The following EXOC2 variants were observed in gnomAD, a reference collection of about 807,000 sequenced individuals.
EXOC2 encodes exocyst complex component 2.
EXOC2 carries 70 observed loss-of-function variants against 131.8 expected under a neutral mutation model. The observed-to-expected ratio is 0.53, with a 90% CI of 0.44 to 0.65. The LOEUF (loss-of-function observed/expected upper bound fraction) is 0.65, where lower values mean the gene tolerates loss of function less well. Ranked by LOEUF, EXOC2 falls within the 30% of genes least tolerant of loss-of-function variation. EXOC2 has a pLI of 0.00. For missense variants in EXOC2, 923 were observed against 1,108.6 expected (o/e 0.83, Z 2.38); for synonymous variants, 411 against 398.4 (o/e 1.03, Z -0.38).
chr6:594,682 T>A (rs1163565092), intron 10 of EXOC2, among the ~76,000 whole-genome samples: 1 of 152,210 alleles, frequency 6.6e-6, no homozygotes, highest in African/African-American at 2.4e-5. Context: ...CAAAAGACTT[T>A]TTCTATCATC....
rs201952671 is a variant in EXOC2, at chr6:497,466, C to G, written c.2460G>C (p.Leu820=). The G allele has an allele frequency of 1.9e-6, 3 of 1,612,538 alleles. No individual in the cohort carries two copies. Among genetic ancestry groups the G allele is most frequent in the African/African-American group, 1.3e-5 (1 of 74,888 alleles). The change falls in exon 25 of 28, where the codon CTG becomes CTC. Residue 820 remains leucine, a synonymous_variant. Coordinates refer to ENST00000230449, the MANE Select transcript of EXOC2 (RefSeq NM_018303.6). ...TCACCTTGGATAGTACCCGAGGGAC[C>G]AGTTCTTTGGAAATGGTGAACACCT... ...HAEVFTISKE[L]VPRVLSKVIE...
chr6:606,304 T>C (rs978206595), intron 7 of EXOC2, among the ~76,000 whole-genome samples: 2 of 152,086 alleles, frequency 1.3e-5, no homozygotes, highest in African/African-American at 4.8e-5. Context: ...CATTAGGAGA[T>C]ATACCTAATG....
intron 1 of EXOC2, among the ~76,000 whole-genome samples, chr6:673,310 A>G (rs1205526910): frequency 6.7e-6 from 1 of 150,028 alleles, no homozygotes; most frequent in African/African-American, 2.5e-5. Flanking sequence ...TATCTAAGAA[A>G]AAAGATAACA....
chr6:620,633 C>A (rs1761240504), intron 4 of EXOC2, among the ~76,000 whole-genome samples: 1 of 152,190 alleles, frequency 6.6e-6, no homozygotes, highest in African/African-American at 2.4e-5. Flanking sequence ...CTTTGGTATT[C>A]TCTGGGAGAG....
intron 11 of EXOC2, among the ~76,000 whole-genome samples, chr6:587,986 T>TA (rs2127619276): frequency 6.6e-6 from 1 of 152,350 alleles, no homozygotes; most frequent in South Asian, 2.1e-4. Flanking sequence ...GAGAAGCAGG[T>TA]AAGACTGGCT....
intron 26 of EXOC2, among the ~76,000 whole-genome samples, chr6:489,916 G>C (rs373834748): frequency 1.3e-5 from 2 of 152,182 alleles, no homozygotes; most frequent in Non-Finnish European, 2.9e-5. Flanking sequence ...CATAAAACCC[G>C]GTGCTGGGCA....
intron 22 of EXOC2, 32 bp downstream of exon 22, chr6:549,143 C>T (rs765438204): frequency 1.3e-6 from 2 of 1,568,836 alleles, no homozygotes; most frequent in Non-Finnish European, 1.8e-6. Context: ...GGTAAAACCA[C>T]CGACTTGTGC....
At chr6:611,969 A>C (rs1122256) in intron 6 of EXOC2, among the ~76,000 whole-genome samples, 29,937 of 152,228 alleles carry the variant, frequency 0.2, 3,174 homozygotes, top group South Asian at 0.32. Context: ...TCAAATTTGC[A>C]ATTACAATAA....
At chr6:571,761 T>C (rs1758288935) in intron 13 of EXOC2, among the ~76,000 whole-genome samples, 1 of 151,708 alleles carries the variant, frequency 6.6e-6, no homozygotes. Flanking sequence ...GTCGGTCTCC[T>C]GCAGAGACAC....
At chr6:510,750 T>G (rs1764800297) in intron 23 of EXOC2, among the ~76,000 whole-genome samples, 1 of 152,180 alleles carries the variant, frequency 6.6e-6, no homozygotes, top group Non-Finnish European at 1.5e-5. Flanking sequence ...ACACTGAATT[T>G]TAGACATAAA....
chr6:568,234 C>T (rs577165101), intron 13 of EXOC2, among the ~76,000 whole-genome samples: 18 of 152,298 alleles, frequency 1.2e-4, no homozygotes, highest in South Asian at 4.1e-4. Flanking sequence ...AGAACCTCTC[C>T]GGGATGTGGA....
Position 633,071 on chromosome 6 carries a change from CA to C in EXOC2, c.164del (p.Met55SerfsTer6), listed in dbSNP as rs1761931613. 1 of 1,613,910 alleles carries C rather than the reference CA, an allele frequency of 6.2e-7. No homozygotes were observed. The highest frequency in any genetic ancestry group is 1.1e-5 in the South Asian group (1 of 91,084). On this transcript the variant is annotated frameshift_variant, in exon 3 of 28. Coordinates refer to ENST00000230449, the MANE Select transcript of EXOC2 (RefSeq NM_018303.6). LOFTEE classifies it high-confidence loss of function. The stretch of plus-strand genomic sequence containing the variant: ...CTCGACATACTATTTTACTTGCAGA[CA>C]TCCATTCTGCCGTCAGGAGGCAATT... ...GHNCLLTAEW[M>X]SASKIVCRVG...
intron 23 of EXOC2, among the ~76,000 whole-genome samples, chr6:523,844 C>G (rs1252473727): frequency 6.6e-6 from 1 of 152,200 alleles, no homozygotes; most frequent in Non-Finnish European, 1.5e-5. Context: ...CTAAATTCCT[C>G]TTAAAAATGT....
intron 1 of EXOC2, among the ~76,000 whole-genome samples, chr6:660,054 A>G (rs1243863235): frequency 6.6e-6 from 1 of 151,686 alleles, no homozygotes; most frequent in Non-Finnish European, 1.5e-5. Flanking sequence ...TTTGCGTGGG[A>G]GCTGGGTGAG....
intron 23 of EXOC2, among the ~76,000 whole-genome samples, chr6:523,801 T>G (rs1765607101): frequency 6.6e-6 from 1 of 152,250 alleles, no homozygotes; most frequent in African/African-American, 2.4e-5. Context: ...TTATTGGTGA[T>G]ATCACTAACT....
At chr6:685,952 A>ATG in intron 1 of EXOC2, among the ~76,000 whole-genome samples, 1 of 135,028 alleles carries the variant, frequency 7.4e-6, no homozygotes, top group African/African-American at 2.8e-5. Flanking sequence ...TAATGTATTA[A>ATG]TGTATCCTGC....
At chr6:655,125 T>C (rs1472559149) in intron 1 of EXOC2, among the ~76,000 whole-genome samples, 1 of 152,182 alleles carries the variant, frequency 6.6e-6, no homozygotes, top group East Asian at 1.9e-4. Flanking sequence ...AAATCTTTCA[T>C]GAAAGTCAAT....
chr6:509,053 T>C (rs1473362598), intron 23 of EXOC2, among the ~76,000 whole-genome samples: 1 of 152,256 alleles, frequency 6.6e-6, no homozygotes, highest in East Asian at 1.9e-4. Flanking sequence ...TTTCATATGC[T>C]TATTCTCCAT....
chr6:662,256 A>G (rs1368246397), intron 1 of EXOC2, among the ~76,000 whole-genome samples: 3 of 152,242 alleles, frequency 2.0e-5, no homozygotes, highest in Admixed American at 2.0e-4. Context: ...CAAGACAGAA[A>G]GTCAACAAAG....
Sources: gnomAD v4.1 joint callset for allele counts (sites outside exome capture counted in the v4.1 genomes callset) on GRCh38, gnomAD v4.1.1 for gene constraint, MANE v1.5 for transcripts, NCBI Gene and HGNC (gene_info 2026-07-23, HGNC 2026-07-21) for gene names.